The following ARHGEF38 variants were observed in gnomAD, a reference collection of about 807,000 sequenced individuals.
The protein encoded by ARHGEF38 is Rho guanine nucleotide exchange factor (GEF) 38.
ARHGEF38 carries 79 observed loss-of-function variants against 79.9 expected under a neutral mutation model. That is an observed-to-expected ratio of 0.99 (90% CI 0.82 to 1.19). The LOEUF (loss-of-function observed/expected upper bound fraction) is 1.19, where lower values mean the gene tolerates loss of function less well. Among genes scored for constraint, ARHGEF38 ranks in the 50% most tolerant of loss-of-function variants. ARHGEF38 has a pLI of 0.00. For missense variants in ARHGEF38, 962 were observed against 907.2 expected (o/e 1.06, Z -0.78); for synonymous variants, 366 against 328.3 (o/e 1.11, Z -1.24).
intron 4 of ARHGEF38, among the ~76,000 whole-genome samples, chr4:105,635,469 T>G (rs1323853356): frequency 1.3e-5 from 2 of 152,142 alleles, no homozygotes; most frequent in Non-Finnish European, 2.9e-5. Context: ...CCATGTTTTC[T>G]GTAGGAGTTA....
intron 5 of ARHGEF38, among the ~76,000 whole-genome samples, chr4:105,641,081 ATTC>A (rs1343017993): frequency 6.6e-6 from 1 of 151,840 alleles, no homozygotes; most frequent in African/African-American, 2.4e-5. Flanking sequence ...CCTTTCTGTG[ATTC>A]TTATTAGTAG....
At chr4:105,566,758 T>TTC (rs1725935981) in intron 1 of ARHGEF38, among the ~76,000 whole-genome samples, 1 of 150,978 alleles carries the variant, frequency 6.6e-6, no homozygotes, top group African/African-American at 2.4e-5. Flanking sequence ...CCATCTTTTT[T>TTC]TTTTTTTTTT....
intron 1 of ARHGEF38, among the ~76,000 whole-genome samples, chr4:105,582,979 G>T (rs1022259345): frequency 6.6e-6 from 1 of 152,044 alleles, no homozygotes; most frequent in African/African-American, 2.4e-5. Context: ...TATTTGCTCA[G>T]TATATATTTT....
At chr4:105,629,436 G>GA (rs1488214873) in intron 3 of ARHGEF38, among the ~76,000 whole-genome samples, 1 of 151,978 alleles carries the variant, frequency 6.6e-6, no homozygotes, top group Non-Finnish European at 1.5e-5. Context: ...GTTAATGTGT[G>GA]AAAAACATGT....
chr4:105,659,465 C>T (rs1474526599), intron 10 of ARHGEF38, 100 bp downstream of exon 10: 22 of 1,142,562 alleles, frequency 1.9e-5, no homozygotes, highest in Non-Finnish European at 2.5e-5. Flanking sequence ...CACATGTATG[C>T]CGTGTGGTGT....
chr4:105,576,059 A>G (rs2110431485), intron 1 of ARHGEF38, among the ~76,000 whole-genome samples: 1 of 152,312 alleles, frequency 6.6e-6, no homozygotes, highest in African/African-American at 2.4e-5. Flanking sequence ...GCCTTGTAGT[A>G]TAACTTAAAG....
At chr4:105,671,893 T>C (rs1010501376) in intron 13 of ARHGEF38, among the ~76,000 whole-genome samples, 1 of 152,166 alleles carries the variant, frequency 6.6e-6, no homozygotes, top group Admixed American at 6.5e-5. Flanking sequence ...GTGGTAGCAC[T>C]TTTTTTATTT....
At chr4:105,647,348 G>A (rs1578344268) in intron 6 of ARHGEF38, among the ~76,000 whole-genome samples, 1 of 150,364 alleles carries the variant, frequency 6.7e-6, no homozygotes, top group Admixed American at 6.6e-5. Context: ...TGGTACTATA[G>A]TTTGTTTTTT....
At chr4:105,595,101 T>G (rs1727519465) in intron 2 of ARHGEF38, among the ~76,000 whole-genome samples, 1 of 152,136 alleles carries the variant, frequency 6.6e-6, no homozygotes, top group South Asian at 2.1e-4. Flanking sequence ...TATTTTCAGT[T>G]GCTAAAATTC....
chr4:105,582,816 G>A (rs1726861386), intron 1 of ARHGEF38, among the ~76,000 whole-genome samples: 1 of 152,046 alleles, frequency 6.6e-6, no homozygotes, highest in African/African-American at 2.4e-5. Context: ...CACATGTTTT[G>A]AAATCATGTT....
intron 3 of ARHGEF38, among the ~76,000 whole-genome samples, chr4:105,625,657 C>T (rs971709882): frequency 1.3e-5 from 2 of 152,202 alleles, no homozygotes; most frequent in Non-Finnish European, 2.9e-5. Context: ...AATTCCTGGA[C>T]ATTGTCATGG....
chr4:105,596,723 G>A (rs897159932), intron 2 of ARHGEF38, among the ~76,000 whole-genome samples: 6 of 152,102 alleles, frequency 3.9e-5, no homozygotes, highest in Admixed American at 3.9e-4. Context: ...TATACAACAG[G>A]AACTGCAGCT....
At chr4:105,574,653 T>C (rs1320483328) in intron 1 of ARHGEF38, among the ~76,000 whole-genome samples, 1 of 152,130 alleles carries the variant, frequency 6.6e-6, no homozygotes, top group Non-Finnish European at 1.5e-5. Context: ...TGATGTTTGC[T>C]GTTAATTTTT....
chr4:105,652,188 C>T (rs1730132602), intron 7 of ARHGEF38, among the ~76,000 whole-genome samples: 1 of 152,148 alleles, frequency 6.6e-6, no homozygotes, highest in South Asian at 2.1e-4. Context: ...TCTGCCATAC[C>T]TCCTGAAGCT....
intron 2 of ARHGEF38, among the ~76,000 whole-genome samples, chr4:105,590,171 A>G (rs908814789): frequency 2.6e-5 from 4 of 152,150 alleles, no homozygotes; most frequent in African/African-American, 7.2e-5. Context: ...AGAGAGAGAG[A>G]TGGGGACAAA....
At chr4:105,597,717 C>A (rs1295994056) in intron 2 of ARHGEF38, among the ~76,000 whole-genome samples, 1 of 152,144 alleles carries the variant, frequency 6.6e-6, no homozygotes, top group Non-Finnish European at 1.5e-5. Context: ...ATGTTCTACC[C>A]CACAACATCA....
chr4:105,597,151 A>G (rs573554677), intron 2 of ARHGEF38, among the ~76,000 whole-genome samples: 7 of 152,322 alleles, frequency 4.6e-5, no homozygotes, highest in Middle Eastern at 6.8e-3. Context: ...GCTCACTGAA[A>G]TACAAGATAA....
At position 105,631,440 on chromosome 4, in the gene ARHGEF38, T is replaced by C. The variant is rs981251957; in HGVS notation, c.656+395T>C. ...GGTTAATGGAGTTAGGGGAATGGCC[T>C]ACAACTCTGCATGGCCGTCTTCTTT... On this transcript the variant is annotated intron_variant, in intron 4 of 13. Coordinates refer to ENST00000420470, the MANE Select transcript of ARHGEF38 (RefSeq NM_001242729.2). 9.1e-6 allele frequency: 9 copies of C among 986,764 alleles called. No homozygotes were observed. The African/African-American group carries it at 1.2e-4, about 13-fold the overall frequency. The allele number at this position is 986,764 out of a possible 1,614,324, so 61.1% of individuals were successfully genotyped here.
chr4:105,567,976 C>T (rs2110415353), intron 1 of ARHGEF38, among the ~76,000 whole-genome samples: 1 of 138,238 alleles, frequency 7.2e-6, no homozygotes, highest in Non-Finnish European at 1.5e-5. Context: ...TGTTCCCCTT[C>T]CTGTGTCCAT....
Sources: gnomAD v4.1 joint callset for allele counts (sites outside exome capture counted in the v4.1 genomes callset) on GRCh38, gnomAD v4.1.1 for gene constraint, MANE v1.5 for transcripts, NCBI Gene and HGNC (gene_info 2026-07-23, HGNC 2026-07-21) for gene names.